Variants in CNOT2 observed in about 807,000 individuals in gnomAD.
CNOT2 encodes CCR4-NOT transcription complex subunit 2, also known as CC chemokine receptor 4-negative regulator of transcription 2.
A neutral mutation model predicts 72.1 loss-of-function variants in CNOT2; 7 were observed. That is an observed-to-expected ratio of 0.10 (90% CI 0.06 to 0.18). CNOT2 has a LOEUF of 0.18. Ranked by LOEUF, CNOT2 falls within the 10% of genes least tolerant of loss-of-function variation. The pLI is 1.00. For synonymous variants in CNOT2, 196 were observed against 225.6 expected (o/e 0.87, Z 1.17); for missense variants, 345 against 660.3 (o/e 0.52, Z 5.23).
At chr12:70,296,153 A>C (rs1170579341) in intron 2 of CNOT2, among the ~76,000 whole-genome samples, 8 of 152,092 alleles carry the variant, frequency 5.3e-5, no homozygotes, top group Admixed American at 5.2e-4. Flanking sequence ...CAACACACAC[A>C]CACATACCCT....
At chr12:70,330,013 T>G (rs1879691047) in intron 5 of CNOT2, among the ~76,000 whole-genome samples, 1 of 152,038 alleles carries the variant, frequency 6.6e-6, no homozygotes, top group South Asian at 2.1e-4. Flanking sequence ...ATTCTAAATA[T>G]GTGTGTGAAA....
At chr12:70,328,142 A>G (rs1363860414) in intron 4 of CNOT2, among the ~76,000 whole-genome samples, 2 of 151,914 alleles carry the variant, frequency 1.3e-5, no homozygotes, top group South Asian at 2.1e-4. Context: ...TACATGGAAT[A>G]TATTAGTTAT....
chr12:70,302,668 G>T (rs1874276718), intron 2 of CNOT2, among the ~76,000 whole-genome samples: 1 of 152,224 alleles, frequency 6.6e-6, no homozygotes. Flanking sequence ...GGTGTGGTGT[G>T]GTGCTGAAAA....
chr12:70,352,195 G>C (rs900169668), intron 15 of CNOT2, among the ~76,000 whole-genome samples: 2 of 152,094 alleles, frequency 1.3e-5, no homozygotes, highest in Non-Finnish European at 2.9e-5. Context: ...CAGGCTTTTT[G>C]TCACATGGAG....
rs142626116 is a variant in CNOT2 at position 70,293,094 on chromosome 12, T to C, written c.48+14820T>C. ...ATTTGTAATAGAGTTTATTTTTCTTTGAAAATAACTCACTTTTTATATTTT... is the reference window on the plus strand; with the variant it reads ...ATTTGTAATAGAGTTTATTTTTCTTCGAAAATAACTCACTTTTTATATTTT... On this transcript the variant is annotated intron_variant, in intron 2 of 15. Transcript: ENST00000229195. 3.1e-3 allele frequency among the ~76,000 whole-genome samples: 479 copies of C among 152,280 alleles called. 5 individuals carry two copies. Among genetic ancestry groups the C allele is most frequent in the African/African-American group, 0.011 (438 of 41,574 alleles).
intron 4 of CNOT2, 60 bp from the exon 5 acceptor site, chr12:70,329,363 A>G: frequency 2.1e-6 from 3 of 1,410,116 alleles, no homozygotes; most frequent in East Asian, 2.3e-5. Flanking sequence ...ACTCCAGAAG[A>G]TGGATAACAA....
At chr12:70,321,853 T>C (rs1024098362) in intron 4 of CNOT2, 1 of 150,992 alleles carries the variant, frequency 6.6e-6, no homozygotes, top group African/African-American at 2.5e-5. Context: ...TTGGCTAGAT[T>C]TGGGTGGAAG....
chr12:70,344,292 T>C, intron 14 of CNOT2, 64 bp downstream of exon 14: 1 of 968,184 alleles, frequency 1.0e-6, no homozygotes, highest in Non-Finnish European at 1.6e-6. Context: ...TGAAAACATC[T>C]TTAAGTGATG....
intron 14 of CNOT2, 148 bp from the exon 15 acceptor site, chr12:70,346,032 T>C (rs781031082): frequency 7.2e-6 from 4 of 557,656 alleles, no homozygotes; most frequent in Non-Finnish European, 1.2e-5. Context: ...TTGTATTTAA[T>C]AACTTATAAT....
intron 1 of CNOT2, among the ~76,000 whole-genome samples, chr12:70,276,265 A>G (rs1868780241): frequency 6.6e-6 from 1 of 152,046 alleles, no homozygotes; most frequent in Non-Finnish European, 1.5e-5. Context: ...AGATGTATAC[A>G]GCATTAGGGT....
chr12:70,272,815 T>G (rs1868283493), intron 1 of CNOT2, among the ~76,000 whole-genome samples: 1 of 152,190 alleles, frequency 6.6e-6, no homozygotes, highest in South Asian at 2.1e-4. Flanking sequence ...TCCTCCCATA[T>G]TCTTATGCTC....
At chr12:70,265,321 T>TTCTCTTCTCTTCTCTTCTCGTCTCG (rs796521434) in intron 1 of CNOT2, among the ~76,000 whole-genome samples, 2 of 146,688 alleles carry the variant, frequency 1.4e-5, no homozygotes, top group African/African-American at 4.9e-5. Flanking sequence ...TTCTCTTCTC[T>TTCTCTTCTCTTCTCTTCTCGTCTCG]TCTCTTTCTT....
intron 2 of CNOT2, among the ~76,000 whole-genome samples, chr12:70,285,019 A>G (rs1269957550): frequency 6.6e-6 from 1 of 152,204 alleles, no homozygotes; most frequent in Non-Finnish European, 1.5e-5. Context: ...TTGGCAACGT[A>G]TGACGTAGAC....
intron 15 of CNOT2, among the ~76,000 whole-genome samples, chr12:70,352,803 G>T (rs1565843549): frequency 6.6e-6 from 1 of 152,020 alleles, no homozygotes; most frequent in East Asian, 1.9e-4. Flanking sequence ...TCTTGATCTT[G>T]GGTGGGAAGT....
chr12:70,294,523 A>G (rs986857432), intron 2 of CNOT2, among the ~76,000 whole-genome samples: 2 of 152,204 alleles, frequency 1.3e-5, no homozygotes, highest in African/African-American at 4.8e-5. Context: ...AACTATTAAT[A>G]TTATAATGCA....
At chr12:70,266,439 A>G (rs947457584) in intron 1 of CNOT2, among the ~76,000 whole-genome samples, 1 of 152,162 alleles carries the variant, frequency 6.6e-6, no homozygotes, top group Non-Finnish European at 1.5e-5. Flanking sequence ...ATTATATTCT[A>G]TAAATGTCAA....
Position 70,302,959 on chromosome 12 carries a change from A to G in CNOT2, c.49-7936A>G, listed in dbSNP as rs147978377. On this transcript the variant is annotated intron_variant, in intron 2 of 15. Transcript: ENST00000229195. ...TTCTTCTTGTTGAATTGATCCCTTTACCATTGTGTAATGGCCTTCTTTGTC... is the reference window on the plus strand; with the variant it reads ...TTCTTCTTGTTGAATTGATCCCTTTGCCATTGTGTAATGGCCTTCTTTGTC... 4.7e-3 allele frequency among the ~76,000 whole-genome samples: 722 copies of G among 152,122 alleles called. 6 individuals carry two copies. The highest frequency in any genetic ancestry group is 0.016 in the African/African-American group (647 of 41,506).
chr12:70,243,807 C>T (rs1041960382), intron 1 of CNOT2: 1 of 152,374 alleles, frequency 6.6e-6, no homozygotes, highest in East Asian at 1.9e-4. Context: ...CGGTCCCATC[C>T]GCGAGTGGTG....
intron 1 of CNOT2, among the ~76,000 whole-genome samples, chr12:70,260,282 T>G (rs1042022708): frequency 6.6e-6 from 1 of 152,104 alleles, no homozygotes; most frequent in African/African-American, 2.4e-5. Flanking sequence ...TTTAATCAAT[T>G]GAGTACCAAA....
Sources: allele counts gnomAD v4.1 joint callset (sites outside exome capture counted in the v4.1 genomes callset), GRCh38; gene constraint gnomAD v4.1.1; transcripts MANE v1.5; gene names NCBI Gene and HGNC (gene_info 2026-07-23, HGNC 2026-07-21).